Variants in TTBK2 observed in about 807,000 individuals in gnomAD.
TTBK2 encodes the protein tau tubulin kinase 2, also known as tau-tubulin kinase 2.
A neutral mutation model predicts 110.8 loss-of-function variants in TTBK2; 28 were observed. The ratio of observed to expected loss-of-function variants is 0.25; its 90% CI spans 0.19 to 0.35. The LOEUF is 0.35. Ranked by LOEUF, TTBK2 falls within the 10% of genes least tolerant of loss-of-function variation. The probability of loss-of-function intolerance (pLI) is 1.00; values close to 1 mark genes in which losing one functional copy is unlikely to be tolerated. For missense variants in TTBK2, 1,369 were observed against 1,500.3 expected (o/e 0.91, Z 1.45); for synonymous variants, 532 against 527.3 (o/e 1.01, Z -0.12).
At chr15:42,870,011 A>G (rs188909418) in intron 3 of TTBK2, among the ~76,000 whole-genome samples, 1 of 152,090 alleles carries the variant, frequency 6.6e-6, no homozygotes, top group East Asian at 1.9e-4. Flanking sequence ...CATCTCTACT[A>G]AAAATACAAA....
intron 13 of TTBK2, among the ~76,000 whole-genome samples, chr15:42,758,367 A>C (rs544724945): frequency 5.9e-5 from 9 of 152,296 alleles, no homozygotes; most frequent in African/African-American, 2.2e-4. Flanking sequence ...AAATGTTGAA[A>C]ATTATAGGCT....
intron 13 of TTBK2, among the ~76,000 whole-genome samples, chr15:42,758,041 C>A (rs2061971367): frequency 6.6e-6 from 1 of 152,182 alleles, no homozygotes; most frequent in Non-Finnish European, 1.5e-5. Flanking sequence ...AACCAACTAC[C>A]ATTTGCATTT....
At chr15:42,848,730 T>G (rs923404790) in intron 3 of TTBK2, among the ~76,000 whole-genome samples, 1 of 152,210 alleles carries the variant, frequency 6.6e-6, no homozygotes, top group African/African-American at 2.4e-5. Context: ...CCTCAGGTGA[T>G]CCGCCCACCT....
intron 13 of TTBK2, among the ~76,000 whole-genome samples, chr15:42,758,654 CA>C (rs59064527): frequency 0.39 from 26,036 of 66,356 alleles, 3,296 homozygotes; most frequent in African/African-American, 0.56. Flanking sequence ...GATTCCATCT[CA>C]AAAAAAAAAA....
intron 9 of TTBK2, chr15:42,801,521 T>TCCCCATGCTTCTGAC: frequency 1.3e-6 from 1 of 766,234 alleles, no homozygotes; most frequent in Non-Finnish European, 2.4e-6. Flanking sequence ...CCACAGGTCA[T>TCCCCATGCTTCTGAC]CCCCATGCTT....
intron 9 of TTBK2, chr15:42,800,836 C>T (rs1377444118): frequency 5.3e-6 from 3 of 571,248 alleles, no homozygotes; most frequent in Non-Finnish European, 9.3e-6. Context: ...GTAGTAAACT[C>T]CCTCGCGGAT....
chr15:42,751,842 A>G, intron 14 of TTBK2, 132 bp downstream of exon 14: 1 of 1,115,106 alleles, frequency 9.0e-7, no homozygotes, highest in Non-Finnish European at 1.3e-6. Flanking sequence ...CTAGGCTGTA[A>G]GGCCTGGGAA....
chr15:42,850,025 C>T (rs1352151408), intron 3 of TTBK2, among the ~76,000 whole-genome samples: 6 of 151,980 alleles, frequency 3.9e-5, no homozygotes, highest in East Asian at 1.9e-4. Context: ...AGCAACAGAA[C>T]GGCAGAGGGA....
At chr15:42,832,795 T>TAGTGGCCC (rs1380320793) in intron 4 of TTBK2, among the ~76,000 whole-genome samples, 1 of 152,172 alleles carries the variant, frequency 6.6e-6, no homozygotes, top group Non-Finnish European at 1.5e-5. Context: ...ACCTGCCCAT[T>TAGTGGCCC]AATCACTTAG....
chr15:42,808,963 G>A (rs935377031), intron 9 of TTBK2, among the ~76,000 whole-genome samples: 1 of 152,204 alleles, frequency 6.6e-6, no homozygotes, highest in Non-Finnish European at 1.5e-5. Context: ...ATGAATTCAC[G>A]AGACCATTCA....
intron 13 of TTBK2, among the ~76,000 whole-genome samples, chr15:42,757,799 A>G (rs2061968172): frequency 6.6e-6 from 1 of 152,232 alleles, no homozygotes; most frequent in Admixed American, 6.5e-5. Context: ...TTATGGCATT[A>G]ATCAATCATT....
intron 10 of TTBK2, among the ~76,000 whole-genome samples, chr15:42,786,993 G>C (rs1289455973): frequency 6.6e-6 from 1 of 152,114 alleles, no homozygotes; most frequent in Non-Finnish European, 1.5e-5. Context: ...GCAGATTAAG[G>C]GAATAAGTAA....
intron 9 of TTBK2, chr15:42,802,046 A>G (rs1331253920): frequency 6.8e-7 from 1 of 1,471,098 alleles, no homozygotes. Flanking sequence ...ACGAGGCTCC[A>G]CTTGGTCTCA....
At position 42,830,041 on chromosome 15, in the gene TTBK2, C is replaced by T. The variant is rs773539966; in HGVS notation, c.329G>A (p.Arg110Gln). 1.9e-5 allele frequency: 31 copies of T among 1,613,948 alleles called. No individual in the cohort carries two copies. The highest frequency in any genetic ancestry group is 1.6e-4 in the Middle Eastern group (1 of 6,084). Residue 110 changes from arginine (R) to glutamine (Q), a missense_variant, in exon 5 of 15, where the codon CGA (arginine) becomes CAA (glutamine). Arg to Gln is a conservative substitution (Grantham distance 43). This residue lies in a region of TTBK2 where 122 missense variants were observed against 159.7 expected (regional missense o/e 0.76). Coordinates refer to ENST00000267890, the MANE Select transcript of TTBK2 (RefSeq NM_173500.4). ...NLADLRRSQS[R>Q]GTFTISTTLR... ...AGTGGTACTAATGGTGAATGTGCCT[C>T]GGGACTGGCTACGGCGAAGATCTGC...
At chr15:42,785,071 T>C (rs1456028671) in intron 10 of TTBK2, among the ~76,000 whole-genome samples, 2 of 152,120 alleles carry the variant, frequency 1.3e-5, no homozygotes, top group African/African-American at 4.8e-5. Context: ...TCAGCTATGT[T>C]ATTTTTTTAC....
chr15:42,871,530 C>T (rs1430538725), intron 3 of TTBK2: 2 of 985,260 alleles, frequency 2.0e-6, no homozygotes, highest in Non-Finnish European at 2.4e-6. Context: ...CCTTCATGGG[C>T]TTGGCTGATA....
intron 3 of TTBK2, 84 bp downstream of exon 3, chr15:42,872,527 G>C: frequency 6.7e-7 from 1 of 1,503,100 alleles, no homozygotes; most frequent in South Asian, 1.2e-5. Context: ...AGTACTTAAA[G>C]AATGTAATTA....
chr15:42,754,903 G>A (rs1595879587), intron 13 of TTBK2, among the ~76,000 whole-genome samples: 1 of 149,884 alleles, frequency 6.7e-6, no homozygotes, highest in East Asian at 2.0e-4. Context: ...AGATACTCAG[G>A]AGGCTGAGGC....
intron 10 of TTBK2, among the ~76,000 whole-genome samples, chr15:42,790,738 T>C (rs1013066419): frequency 2.6e-4 from 39 of 152,266 alleles, no homozygotes; most frequent in African/African-American, 9.4e-4. Context: ...CTCACGTTGT[T>C]GCCCAGGCTG....
Sources: allele counts gnomAD v4.1 joint callset (sites outside exome capture counted in the v4.1 genomes callset), GRCh38; gene constraint gnomAD v4.1.1; regional missense constraint gnomAD v4.1.1; transcripts MANE v1.5; gene names NCBI Gene and HGNC (gene_info 2026-07-23, HGNC 2026-07-21).